The following COA1 variants were observed in gnomAD, a reference collection of about 807,000 sequenced individuals.
The protein encoded by COA1 is cytochrome c oxidase assembly factor 1, also known as cytochrome c oxidase assembly factor 1 homolog.
A neutral mutation model predicts 16.0 loss-of-function variants in COA1; 13 were observed. That is an observed-to-expected ratio of 0.81 (90% CI 0.53 to 1.29). The LOEUF (loss-of-function observed/expected upper bound fraction) is 1.29. Among genes scored for constraint, COA1 ranks in the 50% most tolerant of loss-of-function variants. The pLI is 0.00. For synonymous variants in COA1, 65 were observed against 65.7 expected, an observed-to-expected ratio of 0.99 and a Z score of 0.05; for missense variants, 179 against 177.0, an observed-to-expected ratio of 1.01 and a Z score of -0.06.
At chr7:43,719,560 T>C (rs771730861) in intron 1 of COA1, among the ~76,000 whole-genome samples, 1 of 152,212 alleles carries the variant, frequency 6.6e-6, no homozygotes, top group Non-Finnish European at 1.5e-5. Context: ...TTACAGGTAA[T>C]CACTGTCGAG....
chr7:43,716,881 G>A (rs1467602169), intron 1 of COA1, among the ~76,000 whole-genome samples: 1 of 152,234 alleles, frequency 6.6e-6, no homozygotes, highest in Non-Finnish European at 1.5e-5. Flanking sequence ...GTGGCTGAAA[G>A]GGGCCAATGC....
chr7:43,668,066 A>G (rs2093001517), intron 1 of COA1, among the ~76,000 whole-genome samples: 2 of 152,226 alleles, frequency 1.3e-5, no homozygotes, highest in Non-Finnish European at 1.5e-5. Flanking sequence ...TTATTTTACC[A>G]AGGCTTTGAC....
chr7:43,718,316 T>G (rs1359523790), intron 1 of COA1, among the ~76,000 whole-genome samples: 2 of 152,230 alleles, frequency 1.3e-5, no homozygotes, highest in East Asian at 3.8e-4. Flanking sequence ...ATCTCCTAGA[T>G]GCTCTTGTCT....
At chr7:43,646,711 C>A in intron 3 of COA1, 1 of 432,540 alleles carries the variant, frequency 2.3e-6, no homozygotes. Flanking sequence ...TGAATCATTC[C>A]TGGGAACGCT....
At chr7:43,721,140 G>T (rs986088118) in intron 1 of COA1, among the ~76,000 whole-genome samples, 3 of 152,208 alleles carry the variant, frequency 2.0e-5, no homozygotes, top group East Asian at 1.9e-4. Context: ...CTTAAGGAAA[G>T]AGTTAATTCA....
chr7:43,645,031 G>A (rs1005600279), intron 4 of COA1, among the ~76,000 whole-genome samples: 4 of 151,884 alleles, frequency 2.6e-5, no homozygotes, highest in African/African-American at 9.7e-5. Context: ...CAATTCCCCA[G>A]AATGGAAGAA....
At position 43,679,264 on chromosome 7, in the gene COA1, C is replaced by CA. The variant is rs10618048; in HGVS notation, c.-38-30613dup. Among the ~76,000 whole-genome samples, 105 of 84,078 alleles carry CA rather than the reference C, an allele frequency of 1.2e-3. 2 individuals are homozygous for CA. Among genetic ancestry groups the CA allele is most frequent in the South Asian group, 0.01 (23 of 2,216 alleles). 55.2% of individuals were successfully genotyped at this position (84,078 alleles called of 152,430 possible). A position where few individuals can be genotyped will look rare whatever the true frequency, so the allele number is the denominator to read the frequency against. On this transcript the variant is annotated intron_variant, in intron 1 of 5. Coordinates refer to ENST00000223336, the MANE Select transcript of COA1 (RefSeq NM_018224.4). ...CCTGGGCAAGAGCTAAACTCCATTG[C>CA]AAAAAAAAAAAAAAAAAAAAAATGC...
chr7:43,726,106 C>G (rs1296421896), intron 1 of COA1, among the ~76,000 whole-genome samples: 1 of 152,076 alleles, frequency 6.6e-6, no homozygotes, highest in East Asian at 1.9e-4. Context: ...ATATGGCTCT[C>G]ACAAATCTAA....
chr7:43,684,728 C>T (rs1363496298), intron 1 of COA1, among the ~76,000 whole-genome samples: 2 of 152,116 alleles, frequency 1.3e-5, no homozygotes, highest in Admixed American at 1.3e-4. Context: ...CTCTTAACTA[C>T]CATACTTGAC....
At chr7:43,692,363 A>G (rs2131052795) in intron 1 of COA1, among the ~76,000 whole-genome samples, 1 of 152,262 alleles carries the variant, frequency 6.6e-6, no homozygotes, top group South Asian at 2.1e-4. Flanking sequence ...TACAAAAAAT[A>G]CAAATCTTAG....
intron 1 of COA1, among the ~76,000 whole-genome samples, chr7:43,680,831 T>C (rs538625926): frequency 1.3e-5 from 2 of 151,892 alleles, no homozygotes; most frequent in African/African-American, 4.8e-5. Flanking sequence ...ATTAGCCAAG[T>C]ATGGTGGCGT....
intron 1 of COA1, chr7:43,658,914 A>C (rs541684161): frequency 6.5e-6 from 1 of 152,704 alleles, no homozygotes; most frequent in East Asian, 1.9e-4. Flanking sequence ...AGAGGAGGCC[A>C]GGCAAGAGGG....
chr7:43,673,224 C>CA (rs2093356958), intron 1 of COA1, among the ~76,000 whole-genome samples: 2 of 152,180 alleles, frequency 1.3e-5, no homozygotes, highest in Admixed American at 1.3e-4. Context: ...AGTAAACAGA[C>CA]AACCTACAGA....
chr7:43,699,315 A>G (rs576226465), intron 1 of COA1, among the ~76,000 whole-genome samples: 149 of 152,326 alleles, frequency 9.8e-4, no homozygotes, highest in Non-Finnish European at 9.4e-4. Context: ...AAATTCATGC[A>G]TCTTTCTGGC....
At chr7:43,621,033 G>A (rs917712915) in intron 6 of COA1, among the ~76,000 whole-genome samples, 19 of 152,280 alleles carry the variant, frequency 1.2e-4, no homozygotes, top group Non-Finnish European at 2.2e-4. Flanking sequence ...TGTAGTTCTT[G>A]AAGGACTGAG....
chr7:43,639,578 G>A lies in COA1; in HGVS notation c.*4C>T, dbSNP rs770380189. On this transcript the variant is annotated 3_prime_UTR_variant, in exon 6 of 6. Transcript: ENST00000223336. ...AGAAGCAAGCTGGGTCTTCTGGGTC[G>A]TCTCTACTCCTTTTTCACTTCATCA... is the stretch of plus-strand genomic sequence containing the variant. 2.1e-5 allele frequency: 34 copies of A among 1,611,862 alleles called. No homozygotes were observed. Among genetic ancestry groups the A allele is most frequent in the Admixed American group, 6.7e-5 (4 of 59,986 alleles).
chr7:43,640,375 CTGTA>C (rs1275097407), intron 5 of COA1, among the ~76,000 whole-genome samples, 194 bp downstream of exon 5: 1 of 152,244 alleles, frequency 6.6e-6, no homozygotes, highest in Non-Finnish European at 1.5e-5. Context: ...ATTCAGTAGA[CTGTA>C]TGGATAAACT....
intron 1 of COA1, among the ~76,000 whole-genome samples, chr7:43,653,540 C>A (rs1311700792): frequency 6.6e-6 from 1 of 151,980 alleles, no homozygotes; most frequent in Non-Finnish European, 1.5e-5. Context: ...GACTTTTTAA[C>A]CACATTTTGG....
At chr7:43,666,609 T>C (rs559844664) in intron 1 of COA1, among the ~76,000 whole-genome samples, 1 of 152,334 alleles carries the variant, frequency 6.6e-6, no homozygotes, top group South Asian at 2.1e-4. Context: ...GAATTATTGG[T>C]AAAATGCAAG....
Sources: gnomAD v4.1 joint callset for allele counts (sites outside exome capture counted in the v4.1 genomes callset) on GRCh38, gnomAD v4.1.1 for gene constraint, MANE v1.5 for transcripts, NCBI Gene and HGNC (gene_info 2026-07-23, HGNC 2026-07-21) for gene names.